DNAJC18: variants seen among roughly 807,000 people sequenced by gnomAD.
The protein encoded by DNAJC18 is DnaJ heat shock protein family (Hsp40) member C18.
A neutral mutation model predicts 48.6 loss-of-function variants in DNAJC18; 40 were observed. The observed-to-expected ratio is 0.82, with a 90% CI of 0.64 to 1.07. The LOEUF (loss-of-function observed/expected upper bound fraction) is 1.07. Among genes scored for constraint, DNAJC18 ranks in the 50% least tolerant of loss-of-function variants. DNAJC18 has a pLI of 0.00. For missense variants in DNAJC18, 340 were observed against 427.7 expected, an observed-to-expected ratio of 0.79 and a Z score of 1.81; for synonymous variants, 135 against 152.2, an observed-to-expected ratio of 0.89 and a Z score of 0.83.
chr5:139,425,162 G>A, intron 4 of DNAJC18, 48 bp from the exon 5 acceptor site: 1 of 1,513,858 alleles, frequency 6.6e-7, no homozygotes, highest in Non-Finnish European at 9.0e-7. Context: ...CTCCTTCCCT[G>A]CCTTTTTCTT....
At position 139,414,327 on chromosome 5, in the gene DNAJC18, T is replaced by C. The variant is rs896111149; in HGVS notation, c.953-55A>G. 2.6e-6 allele frequency: 4 copies of C among 1,551,018 alleles called. No homozygotes were observed. In the African/African-American group the frequency reaches 5.6e-5, roughly 22 times the overall value. ...CAAGAGCTGAACTCCTTTGTTTCAT[T>C]TCAATGTTTCTGGAGTCAAAGCTCC... On this transcript the variant is annotated intron_variant, in intron 7 of 7. Transcript: ENST00000302060.
At chr5:139,429,372 G>A (rs1380118025) in intron 2 of DNAJC18, among the ~76,000 whole-genome samples, 3 of 152,002 alleles carry the variant, frequency 2.0e-5, no homozygotes, top group African/African-American at 7.2e-5. Context: ...GTGAGCCACC[G>A]TGCCTGGCTA....
intron 2 of DNAJC18, among the ~76,000 whole-genome samples, chr5:139,434,300 G>GT (rs1312707650): frequency 5.9e-5 from 9 of 152,080 alleles, no homozygotes; most frequent in African/African-American, 1.9e-4. Flanking sequence ...AAGGCCAACT[G>GT]TATCTCTTTT....
rs185144781 is a variant in DNAJC18 at position 139,412,896 on chromosome 5, G to A, written c.*1252C>T. 2.0e-5 allele frequency: 8 copies of A among 398,600 alleles called. No homozygotes were observed. The highest frequency in any genetic ancestry group is 6.3e-4 in the Middle Eastern group (1 of 1,588). The allele number at this position is 398,600 out of a possible 1,614,324, so 24.7% of individuals were successfully genotyped here. On this transcript the variant is annotated 3_prime_UTR_variant, in exon 8 of 8. Coordinates refer to ENST00000302060, the MANE Select transcript of DNAJC18 (RefSeq NM_152686.4). ...GGTTGGGGAGGACGGAGGCATCCTC[G>A]GGAAAGGTTCTGCTTTGCCAGTCTG...
At chr5:139,417,746 G>A (rs1478549761) in intron 7 of DNAJC18, among the ~76,000 whole-genome samples, 1 of 151,932 alleles carries the variant, frequency 6.6e-6, no homozygotes, top group African/African-American at 2.4e-5. Flanking sequence ...GCTAATTTTT[G>A]TATTTTTAGT....
At chr5:139,437,321 C>T in intron 2 of DNAJC18, 51 bp downstream of exon 2, 1 of 1,541,496 alleles carries the variant, frequency 6.5e-7, no homozygotes, top group African/African-American at 1.4e-5. Flanking sequence ...TCCAGGCACT[C>T]TTCTAAGCAC....
At chr5:139,434,831 T>C (rs1221646478) in intron 2 of DNAJC18, among the ~76,000 whole-genome samples, 1 of 152,172 alleles carries the variant, frequency 6.6e-6, no homozygotes, top group Non-Finnish European at 1.5e-5. Flanking sequence ...TACTCTTCTT[T>C]CCAATTTGGA....
chr5:139,416,094 A>G (rs1055095233), intron 7 of DNAJC18, among the ~76,000 whole-genome samples: 39 of 152,202 alleles, frequency 2.6e-4, no homozygotes, highest in African/African-American at 9.2e-4. Flanking sequence ...CATGTCCCAC[A>G]TCCCCACTAC....
At chr5:139,428,077 G>A (rs530812565) in intron 3 of DNAJC18, among the ~76,000 whole-genome samples, 3 of 152,108 alleles carry the variant, frequency 2.0e-5, no homozygotes, top group Non-Finnish European at 4.4e-5. Flanking sequence ...GAGCCACTGC[G>A]CTCAGCCTGA....
chr5:139,432,128 T>A (rs1192537967), intron 2 of DNAJC18, among the ~76,000 whole-genome samples: 1 of 152,192 alleles, frequency 6.6e-6, no homozygotes, highest in Non-Finnish European at 1.5e-5. Flanking sequence ...ATACAGTTTT[T>A]AAATGTTTTC....
rs34518006 is a variant in DNAJC18, at chr5:139,423,390, CTT to C, written c.670-575_670-574del. On this transcript the variant is annotated intron_variant, in intron 5 of 7. Transcript: ENST00000302060. ...TGCTCATTGGAGCATTTTGGATTTC[CTT>C]TTTTTTTTTTTTTCTGAGACATGGT... Among the ~76,000 whole-genome samples, 72 of 139,882 alleles carry C rather than the reference CTT, an allele frequency of 5.1e-4. 1 individual carries two copies. The highest frequency in any genetic ancestry group is 1.1e-3 in the South Asian group (5 of 4,370). The allele number at this position is 139,882 out of a possible 152,430, so 91.8% of individuals were successfully genotyped here.
At chr5:139,428,707 T>A (rs995817241) in intron 2 of DNAJC18, 24 bp from the exon 3 acceptor site, 4 of 1,603,832 alleles carry the variant, frequency 2.5e-6, no homozygotes, top group Non-Finnish European at 3.4e-6. Flanking sequence ...CAAGCATGTA[T>A]GTCTATAAAG....
Position 139,433,239 on chromosome 5 carries a change from T to C in DNAJC18, c.227+4133A>G, listed in dbSNP as rs577417503. Among the ~76,000 whole-genome samples the C allele has an allele frequency of 3.9e-5, 6 of 152,020 alleles. No homozygotes were observed. In the South Asian group the frequency reaches 1.2e-3, roughly 32 times the overall value. On this transcript the variant is annotated intron_variant, in intron 2 of 7. Transcript: ENST00000302060. Reference sequence around the variant, plus strand: ...TGCAGGTGGATCACAAGGCCAGGAGTTTAAGACCAGCCTGGCTAACATGGT... The same window carrying C: ...TGCAGGTGGATCACAAGGCCAGGAGCTTAAGACCAGCCTGGCTAACATGGT...
At chr5:139,437,924 A>C (rs1312075495) in intron 1 of DNAJC18, among the ~76,000 whole-genome samples, 1 of 152,224 alleles carries the variant, frequency 6.6e-6, no homozygotes, top group African/African-American at 2.4e-5. Flanking sequence ...CCTGACCACA[A>C]AGAGGTTAGT....
chr5:139,428,087 A>C (rs1759270169), intron 3 of DNAJC18, among the ~76,000 whole-genome samples: 1 of 152,116 alleles, frequency 6.6e-6, no homozygotes, highest in Non-Finnish European at 1.5e-5. Flanking sequence ...GCTCAGCCTG[A>C]AGAATATATT....
chr5:139,418,530 G>C (rs1257014078), intron 7 of DNAJC18, among the ~76,000 whole-genome samples: 1 of 152,102 alleles, frequency 6.6e-6, no homozygotes, highest in Non-Finnish European at 1.5e-5. Context: ...TTAGCAATGG[G>C]GTAGAGTATT....
chr5:139,429,042 C>A (rs1032598600), intron 2 of DNAJC18, among the ~76,000 whole-genome samples: 1 of 143,146 alleles, frequency 7.0e-6, no homozygotes, highest in Non-Finnish European at 1.5e-5. Context: ...TTTTTTCTCT[C>A]TTTTTCCTAT....
Position 139,414,057 on chromosome 5 carries a change from T to C in DNAJC18, c.*91A>G. 3 of 1,526,784 alleles carry C rather than the reference T, an allele frequency of 2.0e-6. No homozygotes were observed. The highest frequency in any genetic ancestry group is 2.8e-5 in the African/African-American group (2 of 71,642). The allele number at this position is 1,526,784 out of a possible 1,614,324, so 94.6% of individuals were successfully genotyped here. ...AAGTTAGCAAATAGTAAAGTGTTCA[T>C]CATTACCTAGTTTTGTATTATAAAA... On this transcript the variant is annotated 3_prime_UTR_variant, in exon 8 of 8. Coordinates refer to ENST00000302060, the MANE Select transcript of DNAJC18 (RefSeq NM_152686.4).
chr5:139,420,292 C>A (rs1351233205), intron 6 of DNAJC18, 67 bp from the exon 7 acceptor site: 3 of 1,430,402 alleles, frequency 2.1e-6, no homozygotes, highest in Non-Finnish European at 2.8e-6. Flanking sequence ...TAGCACTGCC[C>A]TCACAGATAT....
Sources: gnomAD v4.1 joint callset for allele counts (sites outside exome capture counted in the v4.1 genomes callset) on GRCh38, gnomAD v4.1.1 for gene constraint, MANE v1.5 for transcripts, NCBI Gene and HGNC (gene_info 2026-07-23, HGNC 2026-07-21) for gene names.